The following TEX10 variants were observed in gnomAD, a reference collection of about 807,000 sequenced individuals.
TEX10 encodes testis expressed 10, also known as testis-expressed protein 10.
Under a neutral mutation model 104.4 loss-of-function variants are expected in TEX10, and 24 were observed. The observed-to-expected ratio is 0.23, with a 90% CI of 0.17 to 0.32. The LOEUF (loss-of-function observed/expected upper bound fraction) is 0.32, where lower values mean the gene tolerates loss of function less well. Among genes scored for constraint, TEX10 ranks in the 10% least tolerant of loss-of-function variants. The pLI, the probability that TEX10 is intolerant of heterozygous loss-of-function variation, is 1.00. For missense variants in TEX10, 921 were observed against 1,083.9 expected (o/e 0.85, Z 2.11); for synonymous variants, 396 against 393.4 (o/e 1.01, Z -0.08).
At chr9:100,331,287 A>G (rs2118892268) in intron 5 of TEX10, among the ~76,000 whole-genome samples, 1 of 152,090 alleles carries the variant, frequency 6.6e-6, no homozygotes, top group Non-Finnish European at 1.5e-5. Flanking sequence ...TAAAAATAAA[A>G]TAAGCCAGGC....
chr9:100,333,068 G>A (rs775952276), intron 5 of TEX10, among the ~76,000 whole-genome samples: 9 of 151,934 alleles, frequency 5.9e-5, no homozygotes, highest in Non-Finnish European at 1.3e-4. Flanking sequence ...GCAGTGGCAC[G>A]ATCCTCCCAC....
chr9:100,327,705 T>A, intron 8 of TEX10, 82 bp downstream of exon 8: 1 of 1,211,798 alleles, frequency 8.3e-7, no homozygotes, highest in Non-Finnish European at 1.1e-6. Context: ...AAGGCAAAAT[T>A]ACAGAGCTCC....
chr9:100,352,548 C>T, intron 1 of TEX10: 1 of 1,545,796 alleles, frequency 6.5e-7, no homozygotes, highest in Non-Finnish European at 8.7e-7. Flanking sequence ...GGCGAACCCG[C>T]CCAGTCACCT....
chr9:100,330,791 A>T (rs1191760556), intron 5 of TEX10, among the ~76,000 whole-genome samples: 1 of 152,266 alleles, frequency 6.6e-6, no homozygotes, highest in African/African-American at 2.4e-5. Context: ...GGTATATTCA[A>T]CAGCAGAGCT....
intron 10 of TEX10, 120 bp downstream of exon 10, chr9:100,321,563 A>G (rs1834573598): frequency 1.3e-6 from 1 of 755,378 alleles, no homozygotes; most frequent in Non-Finnish European, 2.1e-6. Context: ...AATCACTCCA[A>G]GATAGAATAT....
chr9:100,343,126 G>A (rs1454519020), intron 4 of TEX10, among the ~76,000 whole-genome samples: 5 of 150,446 alleles, frequency 3.3e-5, no homozygotes, highest in African/African-American at 9.8e-5. Context: ...GACTGAGTGA[G>A]ACTCCGTCTC....
In TEX10 at chr9:100,339,655, C is replaced by G. The variant is rs143639169; in HGVS notation, c.1250+602G>C. Among the ~76,000 whole-genome samples the G allele has an allele frequency of 5.2e-3, 790 of 152,052 alleles. 10 individuals carry two copies. The highest frequency in any genetic ancestry group is 0.018 in the African/African-American group (745 of 41,496). ...TCCCTTGCAAGTGTATGCTCATTTA[C>G]GGGAACTACAGTATTAGTATTTTAG... On this transcript the variant is annotated intron_variant, in intron 5 of 14. Transcript: ENST00000374902.
chr9:100,319,312 C>T (rs1457445362), intron 11 of TEX10, among the ~76,000 whole-genome samples: 1 of 152,138 alleles, frequency 6.6e-6, no homozygotes, highest in Non-Finnish European at 1.5e-5. Flanking sequence ...AGTACTAAAA[C>T]ATAAGATTTC....
intron 9 of TEX10, among the ~76,000 whole-genome samples, chr9:100,325,548 T>C (rs1834684184): frequency 6.6e-6 from 1 of 152,160 alleles, no homozygotes; most frequent in Non-Finnish European, 1.5e-5. Flanking sequence ...TTCTTTTTTT[T>C]GAGACAGAGT....
At chr9:100,318,725 A>C (rs1402366884) in intron 11 of TEX10, among the ~76,000 whole-genome samples, 2 of 152,218 alleles carry the variant, frequency 1.3e-5, no homozygotes, top group East Asian at 3.8e-4. Flanking sequence ...ATTTAAGACA[A>C]TTTTGCCTAT....
intron 9 of TEX10, among the ~76,000 whole-genome samples, chr9:100,325,157 TA>T (rs1375711316): frequency 6.6e-6 from 1 of 152,296 alleles, no homozygotes; most frequent in East Asian, 1.9e-4. Flanking sequence ...GAAAGTCTAT[TA>T]AAAGTAAGCT....
chr9:100,352,246 G>A (rs1835472575), intron 1 of TEX10, among the ~76,000 whole-genome samples: 1 of 152,184 alleles, frequency 6.6e-6, no homozygotes, highest in African/African-American at 2.4e-5. Context: ...GCCAACCAGA[G>A]GCGACAGACT....
At chr9:100,329,374 G>A in intron 6 of TEX10, 99 bp from the exon 7 acceptor site, 1 of 1,429,250 alleles carries the variant, frequency 7.0e-7, no homozygotes, top group Non-Finnish European at 9.4e-7. Context: ...TTCTTCCTAT[G>A]GCAAAGCCAA....
In TEX10 at chr9:100,327,931, C is replaced by A; in HGVS notation, c.1657G>T (p.Ala553Ser). ...YRSKVLSRWL[A>S]GLPLQLAHLG... ...TGAGCAAGTTGCAATGGTAAGCCAGCCAGCCAACGGGATAACACTTTACTA... is the reference window on the plus strand; with the variant it reads ...TGAGCAAGTTGCAATGGTAAGCCAGACAGCCAACGGGATAACACTTTACTA... Residue 553 changes from alanine (A) to serine (S), a missense_variant, in exon 8 of 15, where the codon GCT becomes TCT. Physicochemically the swap from Ala to Ser is moderately conservative, Grantham distance 99 (BLOSUM62 1). This residue lies in a region of TEX10 where 753 missense variants were observed against 868.4 expected (regional missense o/e 0.87). Transcript: ENST00000374902. 1 of 1,592,360 alleles carries A rather than the reference C, an allele frequency of 6.3e-7. No homozygotes were observed. Among genetic ancestry groups the A allele is most frequent in the South Asian group, 1.1e-5 (1 of 87,110 alleles).
intron 8 of TEX10, among the ~76,000 whole-genome samples, 179 bp downstream of exon 8, chr9:100,327,608 T>G (rs950550467): frequency 9.2e-5 from 14 of 152,272 alleles, no homozygotes; most frequent in Admixed American, 6.5e-4. Context: ...TAACCTTCTA[T>G]ATTCTAATAA....
At chr9:100,345,498 T>C (rs1433129433) in intron 4 of TEX10, among the ~76,000 whole-genome samples, 1 of 152,246 alleles carries the variant, frequency 6.6e-6, no homozygotes, top group Admixed American at 6.5e-5. Context: ...CTTGCTTCTG[T>C]AGCTACCCTT....
intron 1 of TEX10, among the ~76,000 whole-genome samples, chr9:100,350,052 G>C (rs878930237): frequency 5.3e-5 from 8 of 152,090 alleles, no homozygotes; most frequent in South Asian, 4.1e-4. Flanking sequence ...AGCATAAAAA[G>C]AAATATAATG....
At chr9:100,342,364 A>G (rs942395414) in intron 4 of TEX10, among the ~76,000 whole-genome samples, 1 of 152,164 alleles carries the variant, frequency 6.6e-6, no homozygotes, top group Admixed American at 6.5e-5. Context: ...GAAGGTACAT[A>G]CCATGAGGGC....
At chr9:100,321,971 T>C (rs897207591) in intron 9 of TEX10, among the ~76,000 whole-genome samples, 200 bp from the exon 10 acceptor site, 1 of 152,204 alleles carries the variant, frequency 6.6e-6, no homozygotes, top group Non-Finnish European at 1.5e-5. Context: ...AATTCAAACA[T>C]ATTAATACAA....
Sources: allele counts gnomAD v4.1 joint callset (sites outside exome capture counted in the v4.1 genomes callset), GRCh38; gene constraint gnomAD v4.1.1; regional missense constraint gnomAD v4.1.1; transcripts MANE v1.5; gene names NCBI Gene and HGNC (gene_info 2026-07-23, HGNC 2026-07-21).